NSD1: variants seen among roughly 807,000 people sequenced by gnomAD.
NSD1 encodes the protein histone-lysine N-methyltransferase, H3 lysine-36 specific.
Under a neutral mutation model 242.7 loss-of-function variants are expected in NSD1, and 26 were observed. That is an observed-to-expected ratio of 0.11 (90% CI 0.08 to 0.15). The LOEUF (loss-of-function observed/expected upper bound fraction) is 0.15. Among genes scored for constraint, NSD1 ranks in the 10% least tolerant of loss-of-function variants. The pLI is 1.00. For synonymous variants in NSD1, 1,106 were observed against 1,178.1 expected (o/e 0.94, Z 1.25); for missense variants, 2,495 against 3,272.8 (o/e 0.76, Z 5.80).
At chr5:177,161,786 C>T (rs115332322) in intron 2 of NSD1, among the ~76,000 whole-genome samples, 2,764 of 150,024 alleles carry the variant, frequency 0.018, 33 homozygotes, top group Non-Finnish European at 0.028. Context: ...TCAGGTGATT[C>T]TCCTCCTCTA....
Position 177,260,031 on chromosome 5 carries a change from C to G in NSD1, c.5009C>G (p.Ala1670Gly). 6.2e-7 allele frequency: 1 copy of G among 1,614,174 alleles called. No individual in the cohort carries two copies. Among genetic ancestry groups the G allele is most frequent in the Middle Eastern group, 1.6e-4 (1 of 6,062 alleles). ...RCVRCPVAYH[A>G]NDFCLAAGSK... ...GTCCGCTGTCCTGTGGCATACCACG[C>G]CAATGACTTTTGCCTGGCTGCTGGG... The change falls in exon 14 of 23, where the codon GCC becomes GGC. Residue 1670 changes from alanine to glycine, a missense_variant. Ala to Gly is a moderately conservative substitution (Grantham distance 60, BLOSUM62 0). Coordinates refer to ENST00000439151, the MANE Select transcript of NSD1 (RefSeq NM_022455.5).
In NSD1 at chr5:177,211,773, A is replaced by G. The variant is rs376986796; in HGVS notation, c.3374A>G (p.Lys1125Arg). 1 of 1,614,164 alleles carries G rather than the reference A, an allele frequency of 6.2e-7. No individual in the cohort carries two copies. Among genetic ancestry groups the G allele is most frequent in the Non-Finnish European group, 8.5e-7 (1 of 1,180,038 alleles). Residue 1125 changes from lysine (K) to arginine (R), a missense_variant, in exon 5 of 23, where the codon AAA becomes AGA. Coordinates refer to ENST00000439151, the MANE Select transcript of NSD1 (RefSeq NM_022455.5). ...KQSDPGKISE[K>R]GLSFENGKGP... ...TCTGATCCTGGTAAAATTTCTGAAA[A>G]AGGACTCTCTTTTGAAAACGGAAAA...
chr5:177,185,701 A>AAT (rs941146561), intron 2 of NSD1, among the ~76,000 whole-genome samples: 2 of 114,550 alleles, frequency 1.7e-5, no homozygotes, highest in Non-Finnish European at 3.3e-5. Context: ...TTTTTATTAT[A>AAT]ATATATATAC....
chr5:177,234,738 A>G (rs1036923928), intron 5 of NSD1, among the ~76,000 whole-genome samples: 1 of 152,150 alleles, frequency 6.6e-6, no homozygotes, highest in Non-Finnish European at 1.5e-5. Flanking sequence ...AATGAATAAA[A>G]TGAGATCCTT....
At chr5:177,196,735 G>A (rs1762128725) in intron 3 of NSD1, among the ~76,000 whole-genome samples, 1 of 152,170 alleles carries the variant, frequency 6.6e-6, no homozygotes, top group South Asian at 2.1e-4. Context: ...GTACATTGAG[G>A]AAGACATCAT....
chr5:177,251,681 T>C (rs752931870), intron 11 of NSD1, 49 bp from the exon 12 acceptor site: 23 of 1,606,948 alleles, frequency 1.4e-5, no homozygotes, highest in Non-Finnish European at 2.0e-5. Context: ...GTTTTACTCT[T>C]GATTCTCAAA....
intron 10 of NSD1, 90 bp from the exon 11 acceptor site, chr5:177,248,091 A>T: frequency 1.9e-6 from 3 of 1,574,514 alleles, no homozygotes; most frequent in Non-Finnish European, 2.6e-6. Context: ...TAAGTGCTTA[A>T]TGGCTAGACA....
intron 11 of NSD1, among the ~76,000 whole-genome samples, chr5:177,249,780 C>T (rs903505425): frequency 2.6e-5 from 4 of 152,224 alleles, no homozygotes; most frequent in East Asian, 1.9e-4. Context: ...AGCCACCACG[C>T]CCGGCCAGTT....
At chr5:177,251,222 G>C (rs751286378) in intron 11 of NSD1, among the ~76,000 whole-genome samples, 3 of 151,916 alleles carry the variant, frequency 2.0e-5, no homozygotes, top group Non-Finnish European at 4.4e-5. Context: ...ATCTTACAAT[G>C]TTTTATAGTG....
At chr5:177,197,268 T>TA (rs538919762) in intron 3 of NSD1, among the ~76,000 whole-genome samples, 244 of 143,040 alleles carry the variant, frequency 1.7e-3, no homozygotes, top group East Asian at 9.3e-3. Context: ...AGACTCCATC[T>TA]AAAAAAAAAA....
At chr5:177,143,670 T>A (rs950958486) in intron 2 of NSD1, among the ~76,000 whole-genome samples, 1 of 152,138 alleles carries the variant, frequency 6.6e-6, no homozygotes, top group Non-Finnish European at 1.5e-5. Flanking sequence ...GACTGCATAC[T>A]GCACTGTGTT....
At chr5:177,190,747 G>GCA (rs1761601551) in intron 2 of NSD1, among the ~76,000 whole-genome samples, 1 of 150,918 alleles carries the variant, frequency 6.6e-6, no homozygotes, top group South Asian at 2.1e-4. Context: ...TCGGCTCACT[G>GCA]CAAGCTCCGC....
At chr5:177,251,618 C>G (rs1321037708) in intron 11 of NSD1, 112 bp from the exon 12 acceptor site, 1 of 1,096,224 alleles carries the variant, frequency 9.1e-7, no homozygotes, top group Non-Finnish European at 1.4e-6. Flanking sequence ...GCCTCTTTCT[C>G]ACCTCCTTTT....
chr5:177,285,731 A>G (rs1228943358), intron 20 of NSD1, among the ~76,000 whole-genome samples: 1 of 152,180 alleles, frequency 6.6e-6, no homozygotes, highest in African/African-American at 2.4e-5. Flanking sequence ...TCTGTAATAT[A>G]CAGTAATATA....
In NSD1 at chr5:177,294,607, T is replaced by C. The variant is rs1167348566; in HGVS notation, c.7239T>C (p.Ser2413=). 3.7e-6 allele frequency: 6 copies of C among 1,614,076 alleles called. No homozygotes were observed. The highest frequency in any genetic ancestry group is 1.3e-5 in the African/African-American group (1 of 74,916). ...SDRPTDKPHA[S]LSQRLPPPEK... is the part of the protein sequence containing the mutation. The stretch of plus-strand genomic sequence containing the variant: ...GGCCTACTGACAAACCCCATGCCTC[T>C]TTGTCCCAGAGACTCCCACCTCCTG... Residue 2413 remains serine (S), a synonymous_variant, in exon 23 of 23, where the codon TCT becomes TCC. Coordinates refer to ENST00000439151, the MANE Select transcript of NSD1 (RefSeq NM_022455.5).
Position 177,295,461 on chromosome 5 carries a change from A to G in NSD1, c.*2A>G. Reference sequence around the variant, plus strand: ...TGTGCAGAATCAGAACAGAAGTAGTACCAATCAATGTCACATGAACAAACA... The same window carrying G: ...TGTGCAGAATCAGAACAGAAGTAGTGCCAATCAATGTCACATGAACAAACA... On this transcript the variant is annotated 3_prime_UTR_variant, in exon 23 of 23. Coordinates refer to ENST00000439151, the MANE Select transcript of NSD1 (RefSeq NM_022455.5). This position sits in a 1 kb window ranked among gnomAD's most constrained non-coding sequence, Gnocchi z 4.3. 1 of 1,613,732 alleles carries G rather than the reference A, an allele frequency of 6.2e-7. No individual in the cohort carries two copies.
intron 2 of NSD1, among the ~76,000 whole-genome samples, chr5:177,175,072 C>T (rs141346031): frequency 0.022 from 3,377 of 151,414 alleles, 50 homozygotes; most frequent in South Asian, 0.054. Context: ...GGGGTTTCAC[C>T]GTGTTAGTCA....
At chr5:177,192,360 G>A (rs761714352) in intron 3 of NSD1, among the ~76,000 whole-genome samples, 3 of 151,562 alleles carry the variant, frequency 2.0e-5, no homozygotes, top group African/African-American at 7.3e-5. Flanking sequence ...ACAGGCATCC[G>A]CCACCACGCT....
intron 14 of NSD1, chr5:177,265,337 A>G (rs1017669463): frequency 6.6e-6 from 4 of 609,178 alleles, no homozygotes; most frequent in Admixed American, 2.9e-5. Flanking sequence ...CAACAGAAGT[A>G]TGTTTATAGT....
Sources: allele counts gnomAD v4.1 joint callset (sites outside exome capture counted in the v4.1 genomes callset), GRCh38; gene constraint gnomAD v4.1.1; non-coding constraint Gnocchi (gnomAD v3.1); transcripts MANE v1.5; gene names NCBI Gene and HGNC (gene_info 2026-07-23, HGNC 2026-07-21).